Variants in LPIN1 observed in about 807,000 individuals in gnomAD.
The protein encoded by LPIN1 is lipin 1.
In LPIN1, 71 loss-of-function variants were observed where a neutral mutation model predicts 107.5. The ratio of observed to expected loss-of-function variants is 0.66; its 90% CI spans 0.55 to 0.80. LPIN1 has a LOEUF of 0.80. Among genes scored for constraint, LPIN1 ranks in the 30% least tolerant of loss-of-function variants. The probability of loss-of-function intolerance (pLI) is 0.00; values close to 1 mark genes in which losing one functional copy is unlikely to be tolerated. For synonymous variants in LPIN1, 445 were observed against 452.6 expected (o/e 0.98, Z 0.21); for missense variants, 1,043 against 1,160.6 (o/e 0.90, Z 1.47).
At chr2:11,689,430 T>C (rs531699351) in intron 1 of LPIN1, among the ~76,000 whole-genome samples, 3 of 152,278 alleles carry the variant, frequency 2.0e-5, no homozygotes, top group Non-Finnish European at 4.4e-5. Flanking sequence ...TTTGATTTTG[T>C]TATCCAACAT....
chr2:11,776,055 C>T, intron 5 of LPIN1, 31 bp from the exon 6 acceptor site: 1 of 1,332,518 alleles, frequency 7.5e-7, no homozygotes, highest in Non-Finnish European at 1.0e-6. Context: ...TTTTGTCTTT[C>T]TTTTAATGTG....
chr2:11,738,479 T>C (rs1310294916), intron 1 of LPIN1, among the ~76,000 whole-genome samples: 2 of 151,864 alleles, frequency 1.3e-5, no homozygotes, highest in Non-Finnish European at 2.9e-5. Context: ...GCACCGCTGC[T>C]GGGGAGTCCC....
At chr2:11,752,512 A>G (rs1239150060) in intron 1 of LPIN1, among the ~76,000 whole-genome samples, 2 of 135,236 alleles carry the variant, frequency 1.5e-5, no homozygotes, top group African/African-American at 6.3e-5. Context: ...GCTCACTGCA[A>G]GCTCCGCCTC....
At chr2:11,778,020 G>A (rs570464100) in intron 6 of LPIN1, among the ~76,000 whole-genome samples, 3 of 152,178 alleles carry the variant, frequency 2.0e-5, no homozygotes, top group Non-Finnish European at 4.4e-5. Context: ...CAGTGATACC[G>A]AACACGTGAC....
chr2:11,779,522 T>C lies in LPIN1; in HGVS notation c.834T>C (p.Pro278=). The C allele has an allele frequency of 1.2e-6, 2 of 1,613,494 alleles. No individual in the cohort carries two copies. Among genetic ancestry groups the C allele is most frequent in the Non-Finnish European group, 1.7e-6 (2 of 1,179,910 alleles). Residue 278 remains proline, a synonymous_variant, in exon 7 of 21, where the codon CCT becomes CCC. Transcript: ENST00000674199. ...TTCGCTTTGTGTTTTCCTTAAGTCCTTCCGGTTCCCGACCTTCAACACCTA... is the reference window on the plus strand; with the variant it reads ...TTCGCTTTGTGTTTTCCTTAAGTCCCTCCGGTTCCCGACCTTCAACACCTA... ...QSSLFHPSES[P]SGSRPSTPKS...
upstream of LPIN1, among the ~76,000 whole-genome samples, chr2:11,744,871 CA>C (rs1458151020): frequency 1.3e-5 from 2 of 152,214 alleles, no homozygotes; most frequent in Non-Finnish European, 2.9e-5. Context: ...AGCTCACCTA[CA>C]AACTGCAAGA....
chr2:11,781,155 A>T (rs569007513), intron 7 of LPIN1, among the ~76,000 whole-genome samples: 1 of 152,380 alleles, frequency 6.6e-6, no homozygotes, highest in Admixed American at 6.5e-5. Context: ...TATTGAAAAC[A>T]TCCCTTATAA....
rs1329435219 is a variant in LPIN1 at position 11,785,015 on chromosome 2, C to A, written c.1488C>A (p.Asp496Glu). The change falls in exon 10 of 21, where the codon GAC (aspartate) becomes GAA (glutamate). Residue 496 changes from aspartate to glutamate, a missense_variant. Coordinates refer to ENST00000674199, the MANE Select transcript of LPIN1 (RefSeq NM_001349206.2). ...GVESTSDGLR[D>E]LPSIAISLCG... ...AGAGCACCTCGGACGGGCTGAGGGA[C>A]CTCCCTTCCATCGCCATCTCCCTCT... 6.2e-7 allele frequency: 1 copy of A among 1,610,110 alleles called. No individual in the cohort carries two copies. Among genetic ancestry groups the A allele is most frequent in the Admixed American group, 1.7e-5 (1 of 59,910 alleles).
At chr2:11,731,805 T>C (rs1192724205) in intron 1 of LPIN1, among the ~76,000 whole-genome samples, 1 of 151,138 alleles carries the variant, frequency 6.6e-6, no homozygotes, top group East Asian at 1.9e-4. Context: ...TTGATTTGCA[T>C]TTCTGTAGTG....
chr2:11,823,560 A>G (rs1361612471), intron 20 of LPIN1, among the ~76,000 whole-genome samples: 1 of 152,140 alleles, frequency 6.6e-6, no homozygotes, highest in Non-Finnish European at 1.5e-5. Flanking sequence ...ATACCTCAGA[A>G]CATGCACACT....
chr2:11,707,983 T>C lies in LPIN1; in HGVS notation c.82-5773T>C, dbSNP rs1441536691. 6.6e-6 allele frequency among the ~76,000 whole-genome samples: 1 copy of C among 152,128 alleles called. No homozygotes were observed. Among genetic ancestry groups the C allele is most frequent in the African/African-American group, 2.4e-5 (1 of 41,424 alleles). On this transcript the variant is annotated intron_variant, in intron 1 of 21. Coordinates refer to the LPIN1 transcript ENST00000449576. The surrounding 1 kb of genome is among the most constrained non-coding windows in gnomAD (Gnocchi z 4.2). ...CTGGGGAAGTGAACTGAACTGGGCTTCACTGAGAAAGATCCTGAGTGATGA... is the reference window on the plus strand; with the variant it reads ...CTGGGGAAGTGAACTGAACTGGGCTCCACTGAGAAAGATCCTGAGTGATGA...
In LPIN1 at chr2:11,786,969, C is replaced by G. The variant is rs1674701696; in HGVS notation, c.1550-105C>G. 1 of 803,302 alleles carries G rather than the reference C, an allele frequency of 1.2e-6. No homozygotes were observed. Among genetic ancestry groups the G allele is most frequent in the East Asian group, 2.5e-5 (1 of 40,246 alleles). 49.8% of individuals were successfully genotyped at this position (803,302 alleles called of 1,614,324 possible). ...GGATTGTCTGCACAGTTGGAATGCA[C>G]AAACTCTCAGAAAACACTTGTGAGT... On this transcript the variant is annotated intron_variant, in intron 10 of 20. Coordinates refer to ENST00000674199, the MANE Select transcript of LPIN1 (RefSeq NM_001349206.2). The surrounding 1 kb of genome is among the most constrained non-coding windows in gnomAD (Gnocchi z 4.1).
chr2:11,708,818 A>AATC (rs1340794384), intron 1 of LPIN1, among the ~76,000 whole-genome samples: 1 of 152,204 alleles, frequency 6.6e-6, no homozygotes, highest in Non-Finnish European at 1.5e-5. Flanking sequence ...GAAGGTGATG[A>AATC]TGATGATGTT....
upstream of LPIN1, among the ~76,000 whole-genome samples, chr2:11,742,573 T>G (rs910376473): frequency 2.6e-5 from 4 of 152,352 alleles, no homozygotes; most frequent in African/African-American, 9.6e-5. Context: ...GAGCCCACTG[T>G]AACAGTCCAC....
chr2:11,756,643 C>G (rs766286038), intron 1 of LPIN1, among the ~76,000 whole-genome samples: 40 of 152,194 alleles, frequency 2.6e-4, no homozygotes, highest in Non-Finnish European at 4.8e-4. Flanking sequence ...GTGATCCGCC[C>G]TCCTTGGCCT....
At position 11,771,376 on chromosome 2, in the gene LPIN1, T is replaced by G. The variant is rs1255274270; in HGVS notation, c.293T>G (p.Val98Gly). ...GAAAATGTGTTCTTTTCTTAGGAAG[T>G]TATCCCTATGCACCTGGCCACCTCC... The part of the protein sequence containing the change: ...FVQETDNDQE[V>G]IPMHLATSPI... Residue 98 changes from valine to glycine, a missense_variant, in exon 4 of 21, where the codon GTT becomes GGT. By Grantham distance (109) the Val-to-Gly change is moderately radical (BLOSUM62 -3). Coordinates refer to ENST00000674199, the MANE Select transcript of LPIN1 (RefSeq NM_001349206.2). This position sits in a 1 kb window ranked among gnomAD's most constrained non-coding sequence, Gnocchi z 4.8. 1 of 1,613,998 alleles carries G rather than the reference T, an allele frequency of 6.2e-7. No individual in the cohort carries two copies. The highest frequency in any genetic ancestry group is 1.3e-5 in the African/African-American group (1 of 74,908).
rs577154225 is a variant in LPIN1, at chr2:11,712,044, C to T, written c.82-1712C>T. 6.6e-5 allele frequency among the ~76,000 whole-genome samples: 10 copies of T among 152,334 alleles called. 1 individual carries two copies. The highest frequency in any genetic ancestry group is 1.3e-4 in the Admixed American group (2 of 15,302). On this transcript the variant is annotated intron_variant, in intron 1 of 21. Coordinates refer to the LPIN1 transcript ENST00000449576. ...GCATTCTTAAAAAAATGAAACTGGC[C>T]GGCTTAGAGCACAAGGCCAGAGGTC... is the stretch of plus-strand genomic sequence containing the variant.
rs1002097250 is a variant in LPIN1 at position 11,765,477 on chromosome 2, G to A, written c.-9-56G>A. On this transcript the variant is annotated intron_variant, in intron 1 of 20. Coordinates refer to ENST00000674199, the MANE Select transcript of LPIN1 (RefSeq NM_001349206.2). This position sits in a 1 kb window ranked among gnomAD's most constrained non-coding sequence, Gnocchi z 4.4. ...AATGGTGAGGAGTTCATTTTGATTG[G>A]CTCTTCCTTGGATTAATTGTGTGTC... is the stretch of plus-strand genomic sequence containing the variant. 6.6e-7 allele frequency: 1 copy of A among 1,517,342 alleles called. No individual in the cohort carries two copies. The highest frequency in any genetic ancestry group is 1.2e-5 in the South Asian group (1 of 83,412). 94.0% of individuals were successfully genotyped at this position (1,517,342 alleles called of 1,614,324 possible).
intron 1 of LPIN1, among the ~76,000 whole-genome samples, chr2:11,702,277 T>A (rs1292006025): frequency 6.6e-6 from 1 of 152,146 alleles, no homozygotes; most frequent in East Asian, 1.9e-4. Flanking sequence ...GGCTGGCTAG[T>A]GTGAATAATT....
Sources: allele counts gnomAD v4.1 joint callset (sites outside exome capture counted in the v4.1 genomes callset), GRCh38; gene constraint gnomAD v4.1.1; non-coding constraint Gnocchi (gnomAD v3.1); transcripts MANE v1.5; gene names NCBI Gene and HGNC (gene_info 2026-07-23, HGNC 2026-07-21).